The following TSPAN11 variants were observed in gnomAD, a reference collection of about 807,000 sequenced individuals.
TSPAN11 encodes tetraspanin-11.
TSPAN11 carries 29 observed loss-of-function variants against 32.9 expected under a neutral mutation model. That is an observed-to-expected ratio of 0.88 (90% CI 0.66 to 1.20). The LOEUF is 1.20. Ranked by LOEUF, TSPAN11 falls within the 50% of genes most tolerant of loss-of-function variation. The probability of loss-of-function intolerance (pLI) is 0.00; values close to 1 mark genes in which losing one functional copy is unlikely to be tolerated. For synonymous variants in TSPAN11, 140 were observed against 141.3 expected (o/e 0.99, Z 0.07); for missense variants, 283 against 329.1 (o/e 0.86, Z 1.08).
chr12:30,998,148 C>T (rs995833846), downstream of TSPAN11, among the ~76,000 whole-genome samples: 2 of 149,250 alleles, frequency 1.3e-5, no homozygotes, highest in Non-Finnish European at 3.0e-5. Flanking sequence ...CAAGAAGGGA[C>T]AGGTGCCCTC....
rs1051011132 is a variant in TSPAN11 at position 30,963,858 on chromosome 12, C to A, written c.117C>A (p.Ile39=). The A allele has an allele frequency of 6.2e-7, 1 of 1,611,460 alleles. No individual in the cohort carries two copies. The highest frequency in any genetic ancestry group is 8.5e-7 in the Non-Finnish European group (1 of 1,179,996). ...GAGCAGCCGTCCTGGCTGTGGGCAT[C>A]TGGACCCTGGTGGAGAAGAGTGGCT... The part of the protein sequence containing the change: ...VGGAAVLAVG[I]WTLVEKSGYL... The change falls in exon 3 of 8, where the codon ATC becomes ATA. Residue 39 remains isoleucine (I), a synonymous_variant. Coordinates refer to ENST00000546076, the MANE Select transcript of TSPAN11 (RefSeq NM_001370302.1).
Position 30,964,114 on chromosome 12 carries a change from G to A in TSPAN11, c.276+97G>A, listed in dbSNP as rs555007866. On this transcript the variant is annotated intron_variant, in intron 3 of 7. Transcript: ENST00000546076. The stretch of plus-strand genomic sequence containing the variant: ...AGGGGCCCCAGCCCTGGAGTGGGAG[G>A]GGCTGAGGCTGTGGGAGTGCCCGAG... 191 of 973,502 alleles carry A rather than the reference G, an allele frequency of 2.0e-4. No homozygotes were observed. The East Asian group carries it at 4.1e-3, about 21-fold the overall frequency. The allele number at this position is 973,502 out of a possible 1,614,324, so 60.3% of individuals were successfully genotyped here. A position where few individuals can be genotyped will look rare whatever the true frequency, so the allele number is the denominator to read the frequency against.
intron 1 of TSPAN11, among the ~76,000 whole-genome samples, chr12:30,944,335 T>G (rs1938225037): frequency 6.6e-6 from 1 of 152,176 alleles, no homozygotes; most frequent in Non-Finnish European, 1.5e-5. Context: ...TTGAACTTAT[T>G]CCTCTTGTCT....
rs938262895 is a variant in TSPAN11 at position 30,927,140 on chromosome 12, T to C, written c.-12+344T>C. 3.7e-5 allele frequency: 28 copies of C among 758,548 alleles called. No individual in the cohort carries two copies. The Admixed American group carries it at 1.0e-3, about 27-fold the overall frequency. The allele number at this position is 758,548 out of a possible 1,614,324, so 47.0% of individuals were successfully genotyped here. ...TGCCGTCCAGCGTGCCCGGGGCATG[T>C]CTGTTCCTCTTGAAAATGTCATTCT... On this transcript the variant is annotated intron_variant, in intron 1 of 7. Coordinates refer to ENST00000546076, the MANE Select transcript of TSPAN11 (RefSeq NM_001370302.1).
chr12:30,964,808 T>C (rs1388156383), intron 3 of TSPAN11, among the ~76,000 whole-genome samples: 1 of 152,238 alleles, frequency 6.6e-6, no homozygotes, highest in African/African-American at 2.4e-5. Flanking sequence ...ACCCATAAAC[T>C]GTTGTTGTTG....
At chr12:30,978,997 G>A (rs909968315) in intron 4 of TSPAN11, 9 of 292,836 alleles carry the variant, frequency 3.1e-5, no homozygotes, top group East Asian at 6.7e-5. Flanking sequence ...AAACAGGATC[G>A]GGCCTTGCCT....
chr12:30,973,563 G>C (rs1269222419), intron 3 of TSPAN11, among the ~76,000 whole-genome samples: 1 of 152,076 alleles, frequency 6.6e-6, no homozygotes, highest in Admixed American at 6.6e-5. Flanking sequence ...ACTAAGTTTT[G>C]AGAAGCAAGG....
At chr12:30,958,772 G>T (rs1938550042) in intron 2 of TSPAN11, among the ~76,000 whole-genome samples, 1 of 152,106 alleles carries the variant, frequency 6.6e-6, no homozygotes, top group South Asian at 2.1e-4. Flanking sequence ...AAGTGATCCT[G>T]GGGCAGGGGC....
chr12:30,939,832 G>A (rs956298270), intron 1 of TSPAN11, among the ~76,000 whole-genome samples: 22 of 152,342 alleles, frequency 1.4e-4, no homozygotes, highest in Admixed American at 2.6e-4. Flanking sequence ...GGAAGGGCCC[G>A]ATTACAACCT....
At chr12:31,014,775 T>C in the TSPAN11 span, among the ~76,000 whole-genome samples, 1 of 152,222 alleles carries the variant, frequency 6.6e-6, no homozygotes, top group Admixed American at 6.5e-5. Context: ...ATGTCAATTG[T>C]TTGTCTTTAT....
chr12:31,011,664 G>A, the TSPAN11 span, among the ~76,000 whole-genome samples: 4 of 152,116 alleles, frequency 2.6e-5, no homozygotes, highest in African/African-American at 9.7e-5. Context: ...CCCACAGTAT[G>A]GGCACAGGAC....
chr12:30,998,533 C>T (rs548077361), downstream of TSPAN11, among the ~76,000 whole-genome samples: 1 of 152,370 alleles, frequency 6.6e-6, no homozygotes, highest in Admixed American at 6.5e-5. Flanking sequence ...TGGCTTCAGT[C>T]TCTAGCTGAA....
chr12:31,015,120 C>A, the TSPAN11 span, among the ~76,000 whole-genome samples: 1 of 152,192 alleles, frequency 6.6e-6, no homozygotes, highest in Non-Finnish European at 1.5e-5. The surrounding 1 kb of genome is among the most constrained non-coding windows in gnomAD (Gnocchi z 4.9). Context: ...CACATCTGTG[C>A]CATCCATGTT....
intron 1 of TSPAN11, among the ~76,000 whole-genome samples, chr12:30,952,418 CCA>C (rs905051242): frequency 1.8e-4 from 27 of 152,314 alleles, no homozygotes; most frequent in African/African-American, 6.3e-4. Context: ...ATTTATTCCA[CCA>C]CCCTACCTCG....
chr12:30,995,472 G>A lies in TSPAN11; in HGVS notation c.*3557G>A, dbSNP rs1007055558. 2 of 152,312 alleles carry A rather than the reference G, an allele frequency of 1.3e-5. No homozygotes were observed. The highest frequency in any genetic ancestry group is 2.4e-5 in the African/African-American group (1 of 41,444). The allele number at this position is 152,312 out of a possible 1,614,324, so 9.4% of individuals were successfully genotyped here. ...TGGCCAGAGGTGTTTACATCCAGAA[G>A]GGCCCAGCACGGCCCTGTGGGGTGT... On this transcript the variant is annotated 3_prime_UTR_variant, in exon 8 of 8. Coordinates refer to ENST00000546076, the MANE Select transcript of TSPAN11 (RefSeq NM_001370302.1).
In TSPAN11 at chr12:30,949,276, TC is replaced by T. The variant is rs569316539; in HGVS notation, c.-11-4704del. On this transcript the variant is annotated intron_variant, in intron 1 of 7. Coordinates refer to ENST00000546076, the MANE Select transcript of TSPAN11 (RefSeq NM_001370302.1). ...AAAGTTGCTTTCACATTTTCTGGTA[TC>T]TTTTCAGCAACATCCCACTCTACTG... Among the ~76,000 whole-genome samples the T allele has an allele frequency of 1.1e-3, 167 of 152,348 alleles. 1 individual carries two copies. The highest frequency in any genetic ancestry group is 3.9e-3 in the African/African-American group (161 of 41,574).
intron 3 of TSPAN11, among the ~76,000 whole-genome samples, chr12:30,973,886 C>T (rs1938904712): frequency 1.3e-5 from 2 of 152,190 alleles, no homozygotes; most frequent in South Asian, 4.1e-4. Flanking sequence ...GGCGTCACAC[C>T]CCTCCCCAGC....
At chr12:30,982,407 TACTA>T (rs1939108957) in intron 5 of TSPAN11, 121 bp from the exon 6 acceptor site, 4 of 1,367,588 alleles carry the variant, frequency 2.9e-6, no homozygotes, top group East Asian at 4.8e-5. Flanking sequence ...ATTATACAAA[TACTA>T]ACTAACCATG....
At chr12:30,941,304 C>A (rs1938158828) in intron 1 of TSPAN11, among the ~76,000 whole-genome samples, 2 of 152,220 alleles carry the variant, frequency 1.3e-5, no homozygotes, top group South Asian at 4.1e-4. Context: ...AACCAATCCC[C>A]CGCATATACT....
Sources: gnomAD v4.1 joint callset for allele counts (sites outside exome capture counted in the v4.1 genomes callset) on GRCh38, gnomAD v4.1.1 for gene constraint, Gnocchi (gnomAD v3.1) non-coding constraint, MANE v1.5 for transcripts, NCBI Gene and HGNC (gene_info 2026-07-23, HGNC 2026-07-21) for gene names.